Variants in SEMA3E observed in about 807,000 individuals in gnomAD.
SEMA3E encodes semaphorin-3E.
A neutral mutation model predicts 93.6 loss-of-function variants in SEMA3E; 49 were observed. The observed-to-expected ratio is 0.52, with a 90% CI of 0.42 to 0.66. The LOEUF is 0.66. SEMA3E is among the 30% of genes least tolerant of loss of function. SEMA3E has a pLI of 0.00. For missense variants in SEMA3E, 906 were observed against 964.8 expected (o/e 0.94, Z 0.81); for synonymous variants, 363 against 330.7 (o/e 1.10, Z -1.06).
chr7:83,379,816 G>T (rs1787742968), intron 16 of SEMA3E, among the ~76,000 whole-genome samples: 1 of 151,808 alleles, frequency 6.6e-6, no homozygotes, highest in Non-Finnish European at 1.5e-5. Context: ...TCTCCTTCAT[G>T]GGACTGTTGC....
chr7:83,394,661 G>A (rs1350619491), intron 12 of SEMA3E, among the ~76,000 whole-genome samples: 1 of 152,110 alleles, frequency 6.6e-6, no homozygotes, highest in Non-Finnish European at 1.5e-5. Context: ...AAATAATAAA[G>A]TCAGAATGTT....
intron 16 of SEMA3E, among the ~76,000 whole-genome samples, chr7:83,377,539 G>A (rs1787672580): frequency 2.0e-5 from 3 of 151,984 alleles, no homozygotes; most frequent in African/African-American, 7.2e-5. Flanking sequence ...CAGAGGGCCA[G>A]ATTTGGCCCC....
At chr7:83,612,783 T>A (rs190516782) in intron 1 of SEMA3E, 7 of 152,288 alleles carry the variant, frequency 4.6e-5, no homozygotes, top group Admixed American at 2.6e-4. Flanking sequence ...TTGGAAACTT[T>A]GCTTTGGAGT....
intron 1 of SEMA3E, among the ~76,000 whole-genome samples, chr7:83,492,555 A>C (rs937348236): frequency 2.6e-5 from 4 of 151,910 alleles, no homozygotes; most frequent in Non-Finnish European, 4.4e-5. Context: ...CTTGTAACCT[A>C]TTCTTCCTCT....
intron 2 of SEMA3E, among the ~76,000 whole-genome samples, chr7:83,484,907 T>G (rs1337764813): frequency 6.6e-6 from 1 of 151,568 alleles, no homozygotes; most frequent in African/African-American, 2.4e-5. Flanking sequence ...AAGGGAAGAG[T>G]GTTGAGGAAT....
intron 1 of SEMA3E, among the ~76,000 whole-genome samples, chr7:83,575,236 A>T (rs1584341116): frequency 6.6e-6 from 1 of 151,788 alleles, no homozygotes; most frequent in South Asian, 2.1e-4. Flanking sequence ...GAAGGAGGGT[A>T]GCAGGATGGA....
chr7:83,586,914 C>T lies in SEMA3E; in HGVS notation c.115+61514G>A, dbSNP rs191265497. Reference sequence around the variant, plus strand: ...GAAAAGACAGTAAATGACAAGTACACAGTTTCCTTGTTTCTTTCAGCATAG... The same window carrying T: ...GAAAAGACAGTAAATGACAAGTACATAGTTTCCTTGTTTCTTTCAGCATAG... On this transcript the variant is annotated intron_variant, in intron 1 of 16. Transcript: ENST00000643230. Among the ~76,000 whole-genome samples the T allele has an allele frequency of 1.4e-4, 21 of 152,240 alleles. 1 individual carries two copies. The East Asian group carries it at 4.1e-3, about 30-fold the overall frequency.
At chr7:83,572,316 C>T (rs1378292369) in intron 1 of SEMA3E, among the ~76,000 whole-genome samples, 1 of 152,102 alleles carries the variant, frequency 6.6e-6, no homozygotes, top group African/African-American at 2.4e-5. Context: ...CATTACCAGA[C>T]TTCAAACTGT....
chr7:83,555,220 C>T (rs967996444), intron 1 of SEMA3E, among the ~76,000 whole-genome samples: 2 of 152,048 alleles, frequency 1.3e-5, no homozygotes, highest in African/African-American at 4.8e-5. Context: ...AGAAGTAAAT[C>T]CATCTAATGC....
chr7:83,581,885 G>A (rs1355339338), intron 1 of SEMA3E, among the ~76,000 whole-genome samples: 1 of 151,914 alleles, frequency 6.6e-6, no homozygotes, highest in Non-Finnish European at 1.5e-5. Context: ...AGGGCTTTTT[G>A]GAGCAATAGG....
Position 83,635,142 on chromosome 7 carries a change from C to G in SEMA3E, c.115+13286G>C, listed in dbSNP as rs182894491. ...TAACACTTATGCTTTGTGACAATGT[C>G]AAGCTTAAAATTACTTTTTCCTTTC... On this transcript the variant is annotated intron_variant, in intron 1 of 16. Transcript: ENST00000643230. 1.1e-3 allele frequency among the ~76,000 whole-genome samples: 167 copies of G among 152,042 alleles called. 1 individual carries two copies. Among genetic ancestry groups the G allele is most frequent in the African/African-American group, 3.7e-3 (154 of 41,552 alleles).
chr7:83,528,723 T>A (rs533675727), intron 1 of SEMA3E, among the ~76,000 whole-genome samples: 1 of 152,216 alleles, frequency 6.6e-6, no homozygotes, highest in African/African-American at 2.4e-5. Context: ...AAATAAAATA[T>A]AATCTAGTTA....
At chr7:83,510,388 T>A (rs2115644741) in intron 1 of SEMA3E, among the ~76,000 whole-genome samples, 1 of 152,354 alleles carries the variant, frequency 6.6e-6, no homozygotes, top group African/African-American at 2.4e-5. Context: ...GTATTGTGTA[T>A]TGTAAGCTTC....
intron 1 of SEMA3E, among the ~76,000 whole-genome samples, chr7:83,542,623 A>G (rs747500847): frequency 1.3e-5 from 2 of 152,164 alleles, no homozygotes; most frequent in East Asian, 1.9e-4. Context: ...TTTCAAAAGT[A>G]AAACTTGAAA....
chr7:83,377,112 T>C (rs1041530370), intron 16 of SEMA3E, among the ~76,000 whole-genome samples: 1 of 152,054 alleles, frequency 6.6e-6, no homozygotes, highest in Admixed American at 6.6e-5. Context: ...GTCTTTGGGA[T>C]ATACTTAGAT....
intron 16 of SEMA3E, among the ~76,000 whole-genome samples, chr7:83,375,559 C>G (rs1021059247): frequency 2.0e-5 from 3 of 151,866 alleles, no homozygotes; most frequent in African/African-American, 7.3e-5. Context: ...TCTGGAAGAC[C>G]ATATAAATTA....
intron 2 of SEMA3E, among the ~76,000 whole-genome samples, chr7:83,486,533 G>A (rs1042865108): frequency 6.6e-5 from 10 of 152,102 alleles, no homozygotes; most frequent in Non-Finnish European, 1.5e-4. Context: ...GGTGAGCACC[G>A]AAGAACTGAC....
intron 14 of SEMA3E, 67 bp downstream of exon 14, chr7:83,392,483 TAAAAA>T (rs58582279): frequency 0.055 from 77,278 of 1,405,494 alleles, 27 homozygotes; most frequent in Non-Finnish European, 0.058. Context: ...AACTTCAAGT[TAAAAA>T]AAAAAAAAAA....
chr7:83,368,369 A>T (rs551838280), intron 16 of SEMA3E, among the ~76,000 whole-genome samples: 1 of 152,320 alleles, frequency 6.6e-6, no homozygotes, highest in Non-Finnish European at 1.5e-5. Flanking sequence ...ACATTTCAAT[A>T]TAGCAGTCAC....
Sources: allele counts gnomAD v4.1 joint callset (sites outside exome capture counted in the v4.1 genomes callset), GRCh38; gene constraint gnomAD v4.1.1; transcripts MANE v1.5; gene names NCBI Gene and HGNC (gene_info 2026-07-23, HGNC 2026-07-21).